Variants in RBFOX1 observed in about 807,000 individuals in gnomAD.
The protein encoded by RBFOX1 is RNA binding fox-1 homolog 1.
In RBFOX1, 8 loss-of-function variants were observed where a neutral mutation model predicts 57.7. The ratio of observed to expected loss-of-function variants is 0.14; its 90% CI spans 0.08 to 0.25. The LOEUF (loss-of-function observed/expected upper bound fraction) is 0.25. Among genes scored for constraint, RBFOX1 ranks in the 10% least tolerant of loss-of-function variants. The probability of loss-of-function intolerance (pLI) is 1.00; values close to 1 mark genes in which losing one functional copy is unlikely to be tolerated. For synonymous variants in RBFOX1, 326 were observed against 222.4 expected, an observed-to-expected ratio of 1.47 and a Z score of -4.15; for missense variants, 611 against 548.5, an observed-to-expected ratio of 1.11 and a Z score of -1.14.
intron 4 of RBFOX1, among the ~76,000 whole-genome samples, chr16:7,404,310 C>T (rs147953511): frequency 8.5e-5 from 13 of 152,204 alleles, no homozygotes; most frequent in African/African-American, 3.1e-4. Context: ...GCCTCAGCCT[C>T]CCAAAGTGCT....
intron 4 of RBFOX1, among the ~76,000 whole-genome samples, chr16:5,906,989 G>A (rs1302678536): frequency 4.0e-5 from 6 of 151,776 alleles, no homozygotes; most frequent in Non-Finnish European, 7.4e-5. Flanking sequence ...CACCTGCCTC[G>A]GCCTCCCAAA....
chr16:7,112,376 G>A (rs1365070826), intron 4 of RBFOX1, among the ~76,000 whole-genome samples: 1 of 72,672 alleles, frequency 1.4e-5, no homozygotes, highest in Non-Finnish European at 2.5e-5. Flanking sequence ...CTAATTTTTT[G>A]TATTTTTTTT....
rs1384232066 is a variant in RBFOX1, at chr16:6,916,846, G to C, written c.-15-135211G>C. ...CTTGATCTTGTTTTTTTATTTGTTT[G>C]TTTTTGTTTTTTTGTGTGTATAAGA... On this transcript the variant is annotated intron_variant, in intron 3 of 15. Coordinates refer to ENST00000550418, the MANE Select transcript of RBFOX1 (RefSeq NM_018723.4). Among the ~76,000 whole-genome samples, 3 of 152,056 alleles carry C rather than the reference G, an allele frequency of 2.0e-5. No homozygotes were observed. The East Asian group carries it at 5.8e-4, about 29-fold the overall frequency.
At chr16:7,193,305 G>A (rs1010642612) in intron 4 of RBFOX1, among the ~76,000 whole-genome samples, 6 of 152,254 alleles carry the variant, frequency 3.9e-5, no homozygotes, top group Admixed American at 6.5e-5. Context: ...GCAGGCTGCC[G>A]CTAGAGTCTA....
At chr16:6,714,181 C>T (rs2064301640) in intron 3 of RBFOX1, among the ~76,000 whole-genome samples, 1 of 152,198 alleles carries the variant, frequency 6.6e-6, no homozygotes, top group African/African-American at 2.4e-5. Flanking sequence ...GTAAGCCATG[C>T]CTGCCTCAAC....
At chr16:5,791,773 A>G (rs780502323) in intron 3 of RBFOX1, among the ~76,000 whole-genome samples, 25 of 152,258 alleles carry the variant, frequency 1.6e-4, no homozygotes, top group Non-Finnish European at 2.9e-4. Flanking sequence ...AAGCAATGCA[A>G]TAAGCATATG....
At chr16:6,415,261 A>G (rs976078967) in intron 2 of RBFOX1, among the ~76,000 whole-genome samples, 6 of 130,660 alleles carry the variant, frequency 4.6e-5, no homozygotes, top group Non-Finnish European at 1.7e-5. Flanking sequence ...AAAAAAAAAA[A>G]AAAAATAGCG....
Position 5,639,792 on chromosome 16 carries a change from G to A in RBFOX1, c.318+40831G>A, listed in dbSNP as rs144438765. Among the ~76,000 whole-genome samples, 481 of 152,300 alleles carry A rather than the reference G, an allele frequency of 3.2e-3. 3 individuals carry two copies. Among genetic ancestry groups the A allele is most frequent in the East Asian group, 6.8e-3 (35 of 5,182 alleles). On this transcript the variant is annotated intron_variant, in intron 3 of 19. Transcript: ENST00000641259. ...TGGCAAAGAGTGGGTGTGGTTTCCA[G>A]TCCCCTGGGCTGGTGTCGCTCTGTT...
chr16:7,634,616 G>C (rs1417337131), intron 11 of RBFOX1, among the ~76,000 whole-genome samples: 1 of 152,014 alleles, frequency 6.6e-6, no homozygotes, highest in Non-Finnish European at 1.5e-5. Flanking sequence ...TGTGACCCAG[G>C]ACTCATAAAA....
At chr16:7,552,880 A>T (rs1207514549) in intron 5 of RBFOX1, among the ~76,000 whole-genome samples, 1 of 151,892 alleles carries the variant, frequency 6.6e-6, no homozygotes, top group Non-Finnish European at 1.5e-5. Context: ...ATGGGGTTTC[A>T]CCATATTGGC....
intron 3 of RBFOX1, among the ~76,000 whole-genome samples, chr16:6,878,586 C>T (rs1006841714): frequency 2.0e-5 from 3 of 152,152 alleles, no homozygotes; most frequent in Non-Finnish European, 4.4e-5. Flanking sequence ...CTGACTGACA[C>T]ATGCAGTGTC....
rs1379465508 is a variant in RBFOX1 at position 6,781,696 on chromosome 16, C to T, written c.-16+127046C>T. On this transcript the variant is annotated intron_variant, in intron 3 of 15. Transcript: ENST00000550418. ...ATTTATCCATTTCTTCCAGATTTTC[C>T]AAATCGTTGGCCTATAGTTGATAAA... 3.3e-5 allele frequency among the ~76,000 whole-genome samples: 5 copies of T among 152,010 alleles called. No individual in the cohort carries two copies. In the East Asian group the frequency reaches 9.7e-4, roughly 29 times the overall value.
At chr16:6,065,191 C>T (rs9935057) in intron 1 of RBFOX1, among the ~76,000 whole-genome samples, 1 of 137,632 alleles carries the variant, frequency 7.3e-6, no homozygotes, top group Admixed American at 7.9e-5. Flanking sequence ...CCATCACCGG[C>T]TAATTTTTTT....
intron 5 of RBFOX1, among the ~76,000 whole-genome samples, chr16:7,541,097 G>T (rs1205825739): frequency 6.6e-6 from 1 of 152,326 alleles, no homozygotes; most frequent in South Asian, 2.1e-4. Context: ...GGCTTGTGCA[G>T]TTTATAGACG....
At chr16:6,852,789 G>C (rs2094139466) in intron 3 of RBFOX1, among the ~76,000 whole-genome samples, 2 of 152,070 alleles carry the variant, frequency 1.3e-5, no homozygotes, top group South Asian at 4.2e-4. Flanking sequence ...GGTACATGCT[G>C]GGAACTAGCT....
At chr16:7,475,541 C>G (rs1191932597) in intron 4 of RBFOX1, among the ~76,000 whole-genome samples, 1 of 152,030 alleles carries the variant, frequency 6.6e-6, no homozygotes, top group Non-Finnish European at 1.5e-5. Flanking sequence ...GTCTTGATCT[C>G]CTGACCTCGT....
At chr16:7,170,160 A>T (rs553052906) in intron 4 of RBFOX1, among the ~76,000 whole-genome samples, 4 of 152,334 alleles carry the variant, frequency 2.6e-5, no homozygotes, top group Admixed American at 1.3e-4. Context: ...AGAACTTCAA[A>T]TTTCCAAAAC....
At chr16:5,544,768 T>G (rs2045113900) in intron 2 of RBFOX1, among the ~76,000 whole-genome samples, 1 of 152,098 alleles carries the variant, frequency 6.6e-6, no homozygotes, top group Non-Finnish European at 1.5e-5. Flanking sequence ...TGAACAACTT[T>G]ATGCTCATAA....
chr16:7,438,824 T>A (rs1297258611), intron 4 of RBFOX1, among the ~76,000 whole-genome samples: 1 of 152,162 alleles, frequency 6.6e-6, no homozygotes, highest in African/African-American at 2.4e-5. Context: ...CAACCTAGAC[T>A]TTCAACCACG....
Sources: gnomAD v4.1 joint callset for allele counts (sites outside exome capture counted in the v4.1 genomes callset) on GRCh38, gnomAD v4.1.1 for gene constraint, MANE v1.5 for transcripts, NCBI Gene and HGNC (gene_info 2026-07-23, HGNC 2026-07-21) for gene names.